RNF212B: variants seen among roughly 807,000 people sequenced by gnomAD.
RNF212B encodes E3 ubiquitin-protein ligase RNF212B.
In RNF212B, 52 loss-of-function variants were observed where a neutral mutation model predicts 55.5. That is an observed-to-expected ratio of 0.94 (90% confidence interval 0.75 to 1.18). The LOEUF is 1.18. Ranked by LOEUF, RNF212B falls within the 50% of genes most tolerant of loss-of-function variation. The pLI is 0.00. For missense variants in RNF212B, 289 were observed against 350.4 expected (o/e 0.82, Z 1.40); for synonymous variants, 99 against 121.4 (o/e 0.82, Z 1.21).
At chr14:23,268,184 C>T (rs1418179732) in intron 11 of RNF212B, among the ~76,000 whole-genome samples, 1 of 152,162 alleles carries the variant, frequency 6.6e-6, no homozygotes, top group African/African-American at 2.4e-5. Context: ...ATTAAGACAA[C>T]CTTGAAAGTG....
chr14:23,272,960 G>A lies in RNF212B; in HGVS notation c.*69G>A. 1 of 863,388 alleles carries A rather than the reference G, an allele frequency of 1.2e-6. No homozygotes were observed. The highest frequency in any genetic ancestry group is 1.8e-5 in the South Asian group (1 of 56,240). The allele number at this position is 863,388 out of a possible 1,614,324, so 53.5% of individuals were successfully genotyped here. A position where few individuals can be genotyped will look rare whatever the true frequency, so the allele number is the denominator to read the frequency against. ...CTGTAGCTTCCAGTACGCATTAGGG[G>A]TGATGGCCCTGGAAAATGTATCCCT... is the stretch of plus-strand genomic sequence containing the variant. On this transcript the variant is annotated 3_prime_UTR_variant, in exon 15 of 15. Transcript: ENST00000430154.
chr14:23,186,438 C>T (rs986324943), intron 1 of RNF212B, among the ~76,000 whole-genome samples: 1 of 151,600 alleles, frequency 6.6e-6, no homozygotes, highest in Non-Finnish European at 1.5e-5. Context: ...CAACCTCTGG[C>T]TCCTAGGTTC....
rs558232357 is a variant in RNF212B, at chr14:23,229,261, T to TATATATACAC, written c.-1-11083_-1-11082insTATATACACA. The stretch of plus-strand genomic sequence containing the variant: ...ATATATATATATATATATATATATA[T>TATATATACAC]ACCACATTGTTTATCCATTCATCTA... On this transcript the variant is annotated intron_variant, in intron 2 of 15. Transcript: ENST00000399910. 3.3e-3 allele frequency among the ~76,000 whole-genome samples: 418 copies of TATATATACAC among 127,150 alleles called. 1 individual carries two copies. The highest frequency in any genetic ancestry group is 5.6e-3 in the Non-Finnish European group (335 of 60,214). 83.4% of individuals were successfully genotyped at this position (127,150 alleles called of 152,430 possible).
At chr14:23,208,975 G>A (rs545194687) in intron 2 of RNF212B, among the ~76,000 whole-genome samples, 2 of 151,602 alleles carry the variant, frequency 1.3e-5, no homozygotes, top group Non-Finnish European at 3.0e-5. Context: ...AGCCGGGATG[G>A]TCTCGATCTC....
intron 4 of RNF212B, among the ~76,000 whole-genome samples, chr14:23,256,068 C>T (rs2140463222): frequency 6.6e-6 from 1 of 152,202 alleles, no homozygotes; most frequent in Non-Finnish European, 1.5e-5. Context: ...ATAGTCCAGT[C>T]TGGCTCCCTG....
chr14:23,239,345 A>G (rs1002997306), intron 1 of RNF212B, among the ~76,000 whole-genome samples: 3 of 151,528 alleles, frequency 2.0e-5, no homozygotes, highest in Non-Finnish European at 4.4e-5. Flanking sequence ...CAGGTGTGAG[A>G]CACCATGCTT....
chr14:23,219,462 C>T (rs2140403427), intron 2 of RNF212B, among the ~76,000 whole-genome samples: 1 of 147,380 alleles, frequency 6.8e-6, no homozygotes, highest in South Asian at 2.1e-4. Context: ...TAGCGCTCTC[C>T]TTCTTCTCCT....
intron 14 of RNF212B, among the ~76,000 whole-genome samples, chr14:23,271,414 G>A (rs995555735): frequency 1.3e-5 from 2 of 151,522 alleles, no homozygotes; most frequent in South Asian, 4.2e-4. Flanking sequence ...CTGCACTCCA[G>A]CCTGGGCAGC....
chr14:23,269,720 A>G, intron 12 of RNF212B, 143 bp from the exon 13 acceptor site: 2 of 596,480 alleles, frequency 3.4e-6, no homozygotes, highest in South Asian at 2.1e-5. Flanking sequence ...TCAAAAAAAA[A>G]AAAAGAAAAA....
At chr14:23,202,335 A>G (rs952963332) in intron 2 of RNF212B, among the ~76,000 whole-genome samples, 4 of 152,000 alleles carry the variant, frequency 2.6e-5, no homozygotes, top group African/African-American at 9.7e-5. Flanking sequence ...TGGTTTTTGC[A>G]TCAGTGTGTT....
chr14:23,223,563 G>A (rs920275701), intron 2 of RNF212B, among the ~76,000 whole-genome samples: 3 of 152,054 alleles, frequency 2.0e-5, no homozygotes, highest in Non-Finnish European at 2.9e-5. Flanking sequence ...CACGATGTTA[G>A]CCAGGATGGT....
At chr14:23,221,245 A>AG (rs1566406902) in intron 2 of RNF212B, among the ~76,000 whole-genome samples, 1 of 151,934 alleles carries the variant, frequency 6.6e-6, no homozygotes, top group East Asian at 1.9e-4. Flanking sequence ...AAAAAAAAAA[A>AG]AAAGAAAGAA....
intron 4 of RNF212B, among the ~76,000 whole-genome samples, chr14:23,249,520 G>C (rs911236121): frequency 6.6e-6 from 1 of 152,166 alleles, no homozygotes; most frequent in Non-Finnish European, 1.5e-5. Context: ...ACTCCAGCTT[G>C]TGTAAAAATA....
chr14:23,246,687 C>A (rs550274745), intron 4 of RNF212B, among the ~76,000 whole-genome samples: 1 of 152,282 alleles, frequency 6.6e-6, no homozygotes, highest in East Asian at 1.9e-4. Flanking sequence ...CTTGCCCTAC[C>A]AAAGTGCCAG....
rs1240544454 is a variant in RNF212B, at chr14:23,262,730, C to T, written c.481+19C>T. 1.3e-6 allele frequency: 2 copies of T among 1,548,692 alleles called. No homozygotes were observed. Among genetic ancestry groups the T allele is most frequent in the African/African-American group, 2.7e-5 (2 of 72,968 alleles). On this transcript the variant is annotated intron_variant, in intron 8 of 14. Transcript: ENST00000430154. ...CAGTCAGGTGGAGAACATTTTTCCC[C>T]TAAATATCTGTGTGAGATGAATATC...
intron 2 of RNF212B, among the ~76,000 whole-genome samples, chr14:23,194,690 G>A (rs891193265): frequency 5.2e-5 from 7 of 135,300 alleles, no homozygotes; most frequent in African/African-American, 8.3e-5. Context: ...AGCCGAGATC[G>A]TGCCACTGCA....
intron 2 of RNF212B, among the ~76,000 whole-genome samples, chr14:23,214,268 T>C (rs1002101597): frequency 2.6e-5 from 4 of 152,064 alleles, no homozygotes; most frequent in African/African-American, 9.7e-5. Flanking sequence ...CCAAGGCAGG[T>C]GGATCATTTG....
At chr14:23,248,682 C>A (rs778786308) in intron 4 of RNF212B, among the ~76,000 whole-genome samples, 1 of 150,498 alleles carries the variant, frequency 6.6e-6, no homozygotes, top group Admixed American at 6.6e-5. Context: ...CCTCGTGATC[C>A]GCCCACCTCA....
Position 23,208,757 on chromosome 14 carries a change from G to GTT in RNF212B, c.-2+15374_-2+15375dup, listed in dbSNP as rs1166613606. Among the ~76,000 whole-genome samples, 16 of 98,114 alleles carry GTT rather than the reference G, an allele frequency of 1.6e-4. 5 individuals carry two copies. Among genetic ancestry groups the GTT allele is most frequent in the South Asian group, 1.0e-3 (3 of 2,896 alleles). The allele number at this position is 98,114 out of a possible 152,430, so 64.4% of individuals were successfully genotyped here. A position where few individuals can be genotyped will look rare whatever the true frequency, so the allele number is the denominator to read the frequency against. On this transcript the variant is annotated intron_variant, in intron 2 of 15. Transcript: ENST00000399910. The stretch of plus-strand genomic sequence containing the variant: ...GCAGTCCCAAGGGCTGCTGGTTGCC[G>GTT]TTTTTTTTTTTTTTTTTTTGAGACG...
Sources: allele counts gnomAD v4.1 joint callset (sites outside exome capture counted in the v4.1 genomes callset), GRCh38; gene constraint gnomAD v4.1.1; transcripts MANE v1.5; gene names NCBI Gene and HGNC (gene_info 2026-07-23, HGNC 2026-07-21).